The following OXSR1 variants were observed in gnomAD, a reference collection of about 807,000 sequenced individuals.
OXSR1 encodes the protein serine/threonine-protein kinase OSR1.
In OXSR1, 24 loss-of-function variants were observed where a neutral mutation model predicts 79.8. The observed-to-expected ratio is 0.30, with a 90% CI of 0.22 to 0.42. OXSR1 has a LOEUF of 0.42. Ranked by LOEUF, OXSR1 falls within the 10% of genes least tolerant of loss-of-function variation. The pLI is 1.00. For synonymous variants in OXSR1, 226 were observed against 209.2 expected (o/e 1.08, Z -0.69); for missense variants, 430 against 618.4 (o/e 0.70, Z 3.23).
chr3:38,221,627 T>G lies in OXSR1; in HGVS notation c.540T>G (p.Asn180Lys), dbSNP rs1371453875. The G allele has an allele frequency of 1.9e-6, 3 of 1,613,478 alleles. No homozygotes were observed. Among genetic ancestry groups the G allele is most frequent in the Non-Finnish European group, 2.5e-6 (3 of 1,179,484 alleles). The change falls in exon 6 of 18, where the codon AAT becomes AAG. Residue 180 changes from asparagine to lysine, a missense_variant. Physicochemically the swap from Asn to Lys is moderately conservative, Grantham distance 94. Around this residue, in one of 3 missense-constraint regions of OXSR1, gnomAD observed 145 missense variants for 228.3 expected, o/e 0.64. Transcript: ENST00000311806. ...FLATGGDITR[N>K]KVRKTFVGTP... Reference sequence around the variant, plus strand: ...CAACTGGTGGTGATATTACCCGAAATAAAGTGAGAAAGACCTTTGTTGGCA... The same window carrying G: ...CAACTGGTGGTGATATTACCCGAAAGAAAGTGAGAAAGACCTTTGTTGGCA...
chr3:38,244,820 G>A (rs1361033492), intron 12 of OXSR1, among the ~76,000 whole-genome samples: 1 of 152,100 alleles, frequency 6.6e-6, no homozygotes, highest in Non-Finnish European at 1.5e-5. Context: ...ACCTAGAAGT[G>A]GAATTGCTGG....
chr3:38,210,166 T>C (rs1307752139), intron 4 of OXSR1, among the ~76,000 whole-genome samples: 2 of 152,124 alleles, frequency 1.3e-5, no homozygotes, highest in Non-Finnish European at 2.9e-5. Context: ...GGTAAGGTGT[T>C]CTTTTTCCTC....
In OXSR1 at chr3:38,252,957, G is replaced by T; in HGVS notation, c.*66G>T. ...ATGCGTATCTCTGTTGCTTCTATTG[G>T]CCTAAACCCACTACTGCCAAAGAAC... is the stretch of plus-strand genomic sequence containing the variant. On this transcript the variant is annotated 3_prime_UTR_variant, in exon 18 of 18. Coordinates refer to ENST00000311806, the MANE Select transcript of OXSR1 (RefSeq NM_005109.3). 1 of 1,333,812 alleles carries T rather than the reference G, an allele frequency of 7.5e-7. No homozygotes were observed. The highest frequency in any genetic ancestry group is 2.3e-5 in the East Asian group (1 of 43,340). 82.6% of individuals were successfully genotyped at this position (1,333,812 alleles called of 1,614,324 possible). A position where few individuals can be genotyped will look rare whatever the true frequency, so the allele number is the denominator to read the frequency against.
intron 15 of OXSR1, chr3:38,250,290 T>A (rs1263398112): frequency 6.2e-6 from 2 of 323,912 alleles, no homozygotes; most frequent in East Asian, 1.3e-4. Flanking sequence ...GTTATCTTAT[T>A]AAATTCTCAC....
chr3:38,218,846 T>C (rs1454374342), intron 5 of OXSR1, among the ~76,000 whole-genome samples: 1 of 152,154 alleles, frequency 6.6e-6, no homozygotes, highest in Admixed American at 6.5e-5. Flanking sequence ...TATAATGTAT[T>C]ATAATTGCCT....
chr3:38,252,218 T>C, intron 16 of OXSR1, 110 bp from the exon 17 acceptor site: 1 of 784,226 alleles, frequency 1.3e-6, no homozygotes, highest in African/African-American at 1.7e-5. Context: ...CTGCTTCCAT[T>C]TTGATTGTAC....
At chr3:38,200,117 C>A (rs1289429062) in intron 4 of OXSR1, among the ~76,000 whole-genome samples, 1 of 152,098 alleles carries the variant, frequency 6.6e-6, no homozygotes, top group Non-Finnish European at 1.5e-5. Flanking sequence ...GGATGAAGTC[C>A]CCCTGTCTGC....
intron 3 of OXSR1, chr3:38,193,161 C>T (rs534956558): frequency 5.1e-6 from 3 of 591,470 alleles, no homozygotes; most frequent in Non-Finnish European, 8.2e-6. Flanking sequence ...TGTAAATCAT[C>T]CACCACTGTG....
intron 11 of OXSR1, among the ~76,000 whole-genome samples, chr3:38,242,486 G>A (rs1056259859): frequency 6.6e-6 from 1 of 152,110 alleles, no homozygotes; most frequent in Admixed American, 6.6e-5. Flanking sequence ...TGCTTATAAA[G>A]CTCACAATTT....
intron 4 of OXSR1, among the ~76,000 whole-genome samples, chr3:38,209,383 A>T (rs1702338963): frequency 6.9e-6 from 1 of 145,762 alleles, no homozygotes; most frequent in South Asian, 2.2e-4. Context: ...ATGCCTGGCT[A>T]TTTTTTTTTT....
intron 1 of OXSR1, among the ~76,000 whole-genome samples, chr3:38,167,549 C>G (rs908746884): frequency 8.0e-5 from 12 of 150,498 alleles, no homozygotes; most frequent in Admixed American, 5.3e-4. Flanking sequence ...AAAAGAACTT[C>G]GTGAAATAAT....
chr3:38,252,879 C>T lies in OXSR1; in HGVS notation c.1572C>T (p.Leu524=), dbSNP rs1703288392. ...GTAAACTGATAGGATTTGCCCAGCT[C>T]AGCATCAGCTAAACCACAACCCTGG... The part of the protein sequence containing the change: ...DDGKLIGFAQ[L]SIS The change falls in exon 18 of 18, where the codon CTC becomes CTT. Residue 524 remains leucine (L), a synonymous_variant. Transcript: ENST00000311806. The T allele has an allele frequency of 6.2e-7, 1 of 1,613,422 alleles. No homozygotes were observed. The highest frequency in any genetic ancestry group is 1.7e-5 in the Admixed American group (1 of 59,952).
chr3:38,207,897 C>T (rs1702300099), intron 4 of OXSR1, among the ~76,000 whole-genome samples: 1 of 92,688 alleles, frequency 1.1e-5, no homozygotes, highest in South Asian at 5.4e-4. Flanking sequence ...CGTCCTTCCT[C>T]CCTCCCCCCT....
At chr3:38,180,243 G>GA (rs916661669) in intron 1 of OXSR1, among the ~76,000 whole-genome samples, 4 of 152,054 alleles carry the variant, frequency 2.6e-5, no homozygotes, top group Admixed American at 6.6e-5. Flanking sequence ...GTTCCTGGCG[G>GA]AAAAAATCTT....
intron 1 of OXSR1, among the ~76,000 whole-genome samples, chr3:38,181,528 G>C (rs1350926592): frequency 6.6e-6 from 1 of 151,620 alleles, no homozygotes; most frequent in Non-Finnish European, 1.5e-5. Flanking sequence ...GCTAATTTTT[G>C]TATTTTTAGT....
At chr3:38,251,670 A>G (rs149027598) in intron 16 of OXSR1, among the ~76,000 whole-genome samples, 199 bp downstream of exon 16, 2 of 152,328 alleles carry the variant, frequency 1.3e-5, no homozygotes, top group East Asian at 3.9e-4. Flanking sequence ...GTGACCTCCA[A>G]TGATGGTAAG....
chr3:38,226,598 C>T (rs549551876), intron 8 of OXSR1, among the ~76,000 whole-genome samples: 1 of 152,048 alleles, frequency 6.6e-6, no homozygotes, highest in East Asian at 1.9e-4. Flanking sequence ...CTGATATGTG[C>T]CTCTTGATAT....
intron 9 of OXSR1, among the ~76,000 whole-genome samples, 174 bp from the exon 10 acceptor site, chr3:38,230,191 A>G (rs1702775811): frequency 6.6e-6 from 1 of 152,192 alleles, no homozygotes. Flanking sequence ...TCAATTTATG[A>G]AACTGTGGTA....
At position 38,172,640 on chromosome 3, in the gene OXSR1, C is replaced by T. The variant is rs925029777; in HGVS notation, c.70+6694C>T. On this transcript the variant is annotated intron_variant, in intron 1 of 17. Coordinates refer to ENST00000311806, the MANE Select transcript of OXSR1 (RefSeq NM_005109.3). ...ACAGATTCCAGGGCCTTACCTTTAGCGCCTCCATAAATGTGAAGGACTTCG... is the reference window on the plus strand; with the variant it reads ...ACAGATTCCAGGGCCTTACCTTTAGTGCCTCCATAAATGTGAAGGACTTCG... 5.3e-5 allele frequency among the ~76,000 whole-genome samples: 8 copies of T among 152,238 alleles called. No individual in the cohort carries two copies. The East Asian group carries it at 1.2e-3, about 22-fold the overall frequency.
Sources: allele counts gnomAD v4.1 joint callset (sites outside exome capture counted in the v4.1 genomes callset), GRCh38; gene constraint gnomAD v4.1.1; regional missense constraint gnomAD v4.1.1; transcripts MANE v1.5; gene names NCBI Gene and HGNC (gene_info 2026-07-23, HGNC 2026-07-21).